The following ROBO1 variants were observed in gnomAD, a reference collection of about 807,000 sequenced individuals.
The protein encoded by ROBO1 is roundabout guidance receptor 1.
Under a neutral mutation model 195.9 loss-of-function variants are expected in ROBO1, and 149 were observed. The observed-to-expected ratio is 0.76, with a 90% CI of 0.67 to 0.87. The LOEUF (loss-of-function observed/expected upper bound fraction) is 0.87, where lower values mean the gene tolerates loss of function less well. Ranked by LOEUF, ROBO1 falls within the 40% of genes least tolerant of loss-of-function variation. ROBO1 has a pLI of 0.00. For missense variants in ROBO1, 1,933 were observed against 2,068.3 expected (o/e 0.93, Z 1.27); for synonymous variants, 816 against 733.2 (o/e 1.11, Z -1.82).
At chr3:78,693,272 T>C in intron 8 of ROBO1, 1 of 1,540,596 alleles carries the variant, frequency 6.5e-7, no homozygotes, top group East Asian at 2.5e-5. Flanking sequence ...TGGAAGGGTA[T>C]GGATGGAAAG....
chr3:78,830,274 T>C (rs986560815), intron 4 of ROBO1, among the ~76,000 whole-genome samples: 2 of 152,198 alleles, frequency 1.3e-5, no homozygotes, highest in African/African-American at 2.4e-5. Flanking sequence ...AAACAGAATA[T>C]TCTCTCCTGA....
intron 2 of ROBO1, among the ~76,000 whole-genome samples, chr3:79,547,986 C>A (rs142345663): frequency 1.5e-3 from 227 of 152,162 alleles, no homozygotes; most frequent in African/African-American, 5.3e-3. Flanking sequence ...AAATGCATGG[C>A]AGTTTTACTG....
chr3:79,265,972 C>T (rs1428932647), intron 2 of ROBO1, among the ~76,000 whole-genome samples: 1 of 151,242 alleles, frequency 6.6e-6, no homozygotes, highest in Non-Finnish European at 1.5e-5. Context: ...CAAAAAAAAT[C>T]AATTTAAAAG....
chr3:79,588,463 C>T (rs1205588468), intron 2 of ROBO1, among the ~76,000 whole-genome samples: 1 of 151,648 alleles, frequency 6.6e-6, no homozygotes, highest in African/African-American at 2.4e-5. Flanking sequence ...GAGTTATTAG[C>T]TGGCCATACA....
intron 4 of ROBO1, among the ~76,000 whole-genome samples, chr3:78,827,105 A>G (rs540568798): frequency 3.2e-4 from 49 of 152,316 alleles, no homozygotes; most frequent in African/African-American, 1.1e-3. Context: ...ACATGTAGAA[A>G]GTTAATTTTA....
intron 20 of ROBO1, among the ~76,000 whole-genome samples, chr3:78,646,490 A>G (rs1706301559): frequency 6.6e-6 from 1 of 151,232 alleles, no homozygotes; most frequent in Admixed American, 6.6e-5. Flanking sequence ...ACATCAGTAC[A>G]CTTATTAAAT....
intron 2 of ROBO1, among the ~76,000 whole-genome samples, chr3:79,183,298 T>C (rs989514472): frequency 6.6e-6 from 1 of 152,232 alleles, no homozygotes; most frequent in East Asian, 1.9e-4. Flanking sequence ...TAGGTCCAGT[T>C]CTCTCTTTGA....
At chr3:78,721,306 G>A (rs1029336623) in intron 5 of ROBO1, among the ~76,000 whole-genome samples, 2 of 152,008 alleles carry the variant, frequency 1.3e-5, no homozygotes, top group African/African-American at 2.4e-5. Flanking sequence ...TGGAACACTC[G>A]CATAAGCATT....
At chr3:79,665,632 A>G (rs1412630246) in intron 1 of ROBO1, among the ~76,000 whole-genome samples, 1 of 151,928 alleles carries the variant, frequency 6.6e-6, no homozygotes, top group Non-Finnish European at 1.5e-5. Flanking sequence ...CTCTACTCTT[A>G]TAGAGATCAC....
chr3:79,214,751 G>GTA lies in ROBO1; in HGVS notation c.89-89214_89-89213dup, dbSNP rs1167961027. Among the ~76,000 whole-genome samples, 4 of 146,434 alleles carry GTA rather than the reference G, an allele frequency of 2.7e-5. No homozygotes were observed. The Admixed American group carries it at 2.8e-4, about 10-fold the overall frequency. On this transcript the variant is annotated intron_variant, in intron 2 of 30. Transcript: ENST00000464233. Reference sequence around the variant, plus strand: ...TATTTGCTATATATATATATAGCATGTATATATATAGCATATATTATAGCA... The same window carrying GTA: ...TATTTGCTATATATATATATAGCATGTATATATATATAGCATATATTATAGCA...
intron 2 of ROBO1, among the ~76,000 whole-genome samples, chr3:79,539,247 C>G (rs899724613): frequency 9.9e-5 from 15 of 152,088 alleles, no homozygotes; most frequent in African/African-American, 3.4e-4. Flanking sequence ...CTGGAATTAT[C>G]AGATAATTTG....
chr3:79,266,800 A>C (rs182485931), intron 2 of ROBO1, among the ~76,000 whole-genome samples: 237 of 151,726 alleles, frequency 1.6e-3, no homozygotes, highest in Non-Finnish European at 2.2e-3. Flanking sequence ...ATACCAAACA[A>C]AGTGAATATA....
chr3:79,767,256 C>A (rs776847393), intron 1 of ROBO1, among the ~76,000 whole-genome samples: 2 of 152,054 alleles, frequency 1.3e-5, no homozygotes, highest in Non-Finnish European at 2.9e-5. Context: ...AACAACGGTG[C>A]GGTCAGCGGC....
At chr3:79,259,580 G>A (rs1025903608) in intron 2 of ROBO1, among the ~76,000 whole-genome samples, 3 of 151,228 alleles carry the variant, frequency 2.0e-5, no homozygotes, top group African/African-American at 7.3e-5. Context: ...CTCCCCCTAT[G>A]CCCCCACTAG....
At chr3:78,724,112 G>A (rs1052721855) in intron 5 of ROBO1, among the ~76,000 whole-genome samples, 28 of 152,154 alleles carry the variant, frequency 1.8e-4, no homozygotes, top group Middle Eastern at 3.4e-3. Context: ...AAAAGTGAAA[G>A]AACAAACCAC....
chr3:79,549,641 G>C (rs1942403038), intron 2 of ROBO1, among the ~76,000 whole-genome samples: 1 of 152,106 alleles, frequency 6.6e-6, no homozygotes, highest in African/African-American at 2.4e-5. Flanking sequence ...AAGTATATGG[G>C]AGGAAATGTG....
chr3:79,188,136 G>C (rs1206155295), intron 2 of ROBO1, among the ~76,000 whole-genome samples: 1 of 151,936 alleles, frequency 6.6e-6, no homozygotes, highest in Non-Finnish European at 1.5e-5. Flanking sequence ...TGGATAAAGA[G>C]TGACAAAATG....
At chr3:79,286,369 C>A (rs2031886042) in intron 2 of ROBO1, among the ~76,000 whole-genome samples, 1 of 152,184 alleles carries the variant, frequency 6.6e-6, no homozygotes, top group South Asian at 2.1e-4. Context: ...ATAACACCAT[C>A]TTTCGAATGT....
intron 2 of ROBO1, among the ~76,000 whole-genome samples, chr3:79,253,386 T>C (rs539026995): frequency 6.6e-6 from 1 of 152,312 alleles, no homozygotes; most frequent in African/African-American, 2.4e-5. Flanking sequence ...TTCTCTGCTC[T>C]CACAAGAACA....
Sources: gnomAD v4.1 joint callset for allele counts (sites outside exome capture counted in the v4.1 genomes callset) on GRCh38, gnomAD v4.1.1 for gene constraint, MANE v1.5 for transcripts, NCBI Gene and HGNC (gene_info 2026-07-23, HGNC 2026-07-21) for gene names.